FBXL7: variants seen among roughly 807,000 people sequenced by gnomAD.
FBXL7 encodes the protein F-box/LRR-repeat protein 7.
A neutral mutation model predicts 38.3 loss-of-function variants in FBXL7; 12 were observed. That is an observed-to-expected ratio of 0.31 (90% CI 0.20 to 0.51). The LOEUF is 0.51. Ranked by LOEUF, FBXL7 falls within the 20% of genes least tolerant of loss-of-function variation. The probability of loss-of-function intolerance (pLI) is 0.98; values close to 1 mark genes in which losing one functional copy is unlikely to be tolerated. For missense variants in FBXL7, 567 were observed against 676.4 expected (o/e 0.84, Z 1.79); for synonymous variants, 297 against 300.9 (o/e 0.99, Z 0.13).
At position 15,895,633 on chromosome 5, in the gene FBXL7, C is replaced by CTTTTT. The variant is rs903652361; in HGVS notation, c.128-32235_128-32231dup. ...TTGATGCTTAGGGCCCTTTTTCATACTTTTTTTTTTTTTTTTTTTTTTTTT... is the reference window on the plus strand; with the variant it reads ...TTGATGCTTAGGGCCCTTTTTCATACTTTTTTTTTTTTTTTTTTTTTTTTTTTTTT... On this transcript the variant is annotated intron_variant, in intron 2 of 3. Transcript: ENST00000504595. 3.1e-5 allele frequency among the ~76,000 whole-genome samples: 3 copies of CTTTTT among 98,058 alleles called. 1 individual carries two copies. Among genetic ancestry groups the CTTTTT allele is most frequent in the Admixed American group, 9.9e-5 (1 of 10,078 alleles). 64.3% of individuals were successfully genotyped at this position (98,058 alleles called of 152,430 possible). A position where few individuals can be genotyped will look rare whatever the true frequency, so the allele number is the denominator to read the frequency against.
At chr5:15,747,275 C>T (rs565818975) in intron 2 of FBXL7, among the ~76,000 whole-genome samples, 6 of 152,116 alleles carry the variant, frequency 3.9e-5, no homozygotes, top group South Asian at 2.1e-4. Context: ...TGCTTTTACA[C>T]GTTCCTTCCC....
intron 1 of FBXL7, among the ~76,000 whole-genome samples, chr5:15,575,156 A>G (rs534508009): frequency 3.9e-5 from 6 of 152,142 alleles, no homozygotes; most frequent in Non-Finnish European, 8.8e-5. Flanking sequence ...CTGAAATGTT[A>G]CAGCTGGGAG....
intron 1 of FBXL7, among the ~76,000 whole-genome samples, chr5:15,550,153 A>G (rs1738020879): frequency 6.6e-6 from 1 of 152,208 alleles, no homozygotes; most frequent in African/African-American, 2.4e-5. Context: ...GGGTGCACTA[A>G]ATAAAAATAT....
intron 2 of FBXL7, among the ~76,000 whole-genome samples, chr5:15,805,327 C>T (rs980361932): frequency 6.6e-6 from 1 of 152,148 alleles, no homozygotes; most frequent in South Asian, 2.1e-4. Flanking sequence ...GACTTGCTCT[C>T]TGTAGGCCAG....
chr5:15,758,338 A>C (rs988547187), intron 2 of FBXL7, among the ~76,000 whole-genome samples: 1 of 151,766 alleles, frequency 6.6e-6, no homozygotes, highest in Admixed American at 6.6e-5. Context: ...TTTTAGAATC[A>C]GCAGGTACAT....
chr5:15,737,111 C>T (rs1370703686), intron 2 of FBXL7, among the ~76,000 whole-genome samples: 3 of 152,140 alleles, frequency 2.0e-5, no homozygotes, highest in African/African-American at 4.8e-5. Flanking sequence ...ATTTGAGCCC[C>T]AGCCCCCTCA....
At chr5:15,634,313 C>CTTTTTTTTTTTTTTTTTTTTT (rs57823645) in intron 2 of FBXL7, among the ~76,000 whole-genome samples, 2 of 112,274 alleles carry the variant, frequency 1.8e-5, no homozygotes, top group Non-Finnish European at 3.6e-5. Context: ...ATGTTCGTTT[C>CTTTTTTTTTTTTTTTTTTTTT]TTTTTTTTTT....
intron 2 of FBXL7, among the ~76,000 whole-genome samples, chr5:15,664,959 A>C (rs1476611197): frequency 6.6e-6 from 1 of 151,530 alleles, no homozygotes; most frequent in East Asian, 1.9e-4. Flanking sequence ...CTGGGTTGGC[A>C]GTTTTTTGTT....
chr5:15,520,936 G>A (rs1737080553), intron 1 of FBXL7, among the ~76,000 whole-genome samples: 1 of 152,194 alleles, frequency 6.6e-6, no homozygotes, highest in South Asian at 2.1e-4. Context: ...ATCTGTAAAT[G>A]ACCTAGTTCA....
chr5:15,920,890 A>G (rs1238532005), intron 2 of FBXL7, among the ~76,000 whole-genome samples: 1 of 152,142 alleles, frequency 6.6e-6, no homozygotes, highest in East Asian at 1.9e-4. Context: ...GTTAAATCAC[A>G]AAATACACTA....
At chr5:15,673,863 C>T (rs1742566056) in intron 2 of FBXL7, among the ~76,000 whole-genome samples, 1 of 151,846 alleles carries the variant, frequency 6.6e-6, no homozygotes, top group Admixed American at 6.6e-5. Context: ...AAGTTAACTC[C>T]AAAAGGGAAA....
At chr5:15,689,343 T>C (rs903924886) in intron 2 of FBXL7, among the ~76,000 whole-genome samples, 1 of 152,146 alleles carries the variant, frequency 6.6e-6, no homozygotes, top group Admixed American at 6.5e-5. Flanking sequence ...ATGTGTGATT[T>C]CTACCTCCTT....
At chr5:15,773,396 C>A (rs888673093) in intron 2 of FBXL7, among the ~76,000 whole-genome samples, 4 of 152,096 alleles carry the variant, frequency 2.6e-5, no homozygotes, top group Non-Finnish European at 4.4e-5. Context: ...TTAATCCCAG[C>A]ACTTTGGGAG....
chr5:15,531,764 T>G (rs1737438799), intron 1 of FBXL7, among the ~76,000 whole-genome samples: 1 of 152,246 alleles, frequency 6.6e-6, no homozygotes, highest in East Asian at 1.9e-4. Context: ...AAGCCTACTG[T>G]GTACCTGGCA....
chr5:15,698,748 G>GT (rs1743424886), intron 2 of FBXL7, among the ~76,000 whole-genome samples: 1 of 152,218 alleles, frequency 6.6e-6, no homozygotes, highest in South Asian at 2.1e-4. Context: ...AATTTGGACT[G>GT]TAAGTATAGA....
intron 2 of FBXL7, among the ~76,000 whole-genome samples, chr5:15,843,622 T>C (rs1472604509): frequency 2.6e-5 from 4 of 152,192 alleles, no homozygotes; most frequent in African/African-American, 9.6e-5. Context: ...ATCTGATGAA[T>C]GCAGTTTAAA....
chr5:15,522,117 T>C (rs1404270525), intron 1 of FBXL7, among the ~76,000 whole-genome samples: 1 of 152,236 alleles, frequency 6.6e-6, no homozygotes, highest in Non-Finnish European at 1.5e-5. Context: ...TGAATATGTT[T>C]AAAACTTTGG....
At chr5:15,745,952 C>G (rs1736004068) in intron 2 of FBXL7, among the ~76,000 whole-genome samples, 2 of 152,156 alleles carry the variant, frequency 1.3e-5, no homozygotes, top group Non-Finnish European at 2.9e-5. Flanking sequence ...GGAGAAATAG[C>G]AGAAGGCCCT....
intron 2 of FBXL7, among the ~76,000 whole-genome samples, chr5:15,692,777 G>A (rs1743221889): frequency 2.6e-5 from 4 of 152,150 alleles, no homozygotes; most frequent in Admixed American, 2.6e-4. Context: ...AGCGGGTGGT[G>A]CCTACATGAA....
Sources: gnomAD v4.1 joint callset for allele counts (sites outside exome capture counted in the v4.1 genomes callset) on GRCh38, gnomAD v4.1.1 for gene constraint, MANE v1.5 for transcripts, NCBI Gene and HGNC (gene_info 2026-07-23, HGNC 2026-07-21) for gene names.